CDCA7: variants seen among roughly 807,000 people sequenced by gnomAD.
CDCA7 encodes the protein cell division cycle-associated protein 7.
A neutral mutation model predicts 54.0 loss-of-function variants in CDCA7; 28 were observed. The observed-to-expected ratio is 0.52, with a 90% CI of 0.38 to 0.71. The LOEUF is 0.71. Among genes scored for constraint, CDCA7 ranks in the 30% least tolerant of loss-of-function variants. The pLI is 0.00. For missense variants in CDCA7, 484 were observed against 586.0 expected, an observed-to-expected ratio of 0.83 and a Z score of 1.80; for synonymous variants, 180 against 208.2, an observed-to-expected ratio of 0.86 and a Z score of 1.16.
At chr2:173,356,792 AC>A (rs745356990) in intron 1 of CDCA7, among the ~76,000 whole-genome samples, 40 of 152,136 alleles carry the variant, frequency 2.6e-4, no homozygotes, top group Non-Finnish European at 5.1e-4. Context: ...GGTGTGAGCC[AC>A]CCCCCTACAC....
rs777581752 is a variant in CDCA7 at position 173,358,841 on chromosome 2, A to G, written c.147+4A>G. On this transcript the variant is annotated splice_donor_region_variant and intron_variant, in intron 2 of 9. Transcript: ENST00000306721. ...TTCTGATAATTTTGCAAACACGGTAAGTGCTGCCTGAGAATAAACAGAATT... is the reference window on the plus strand; with the variant it reads ...TTCTGATAATTTTGCAAACACGGTAGGTGCTGCCTGAGAATAAACAGAATT... The G allele has an allele frequency of 6.2e-7, 1 of 1,611,576 alleles. No homozygotes were observed. Among genetic ancestry groups the G allele is most frequent in the South Asian group, 1.1e-5 (1 of 90,624 alleles).
intron 5 of CDCA7, 180 bp from the exon 6 acceptor site, chr2:173,364,615 A>T (rs1686684447): frequency 2.5e-6 from 2 of 784,824 alleles, no homozygotes; most frequent in Non-Finnish European, 3.6e-6. Flanking sequence ...CAAAAGCAAA[A>T]TTAAGATGGC....
At chr2:173,355,880 T>C (rs1686493615) in intron 1 of CDCA7, among the ~76,000 whole-genome samples, 1 of 151,938 alleles carries the variant, frequency 6.6e-6, no homozygotes, top group Non-Finnish European at 1.5e-5. Flanking sequence ...CGATGGGGCG[T>C]GGTTTCAGAG....
chr2:173,362,749 A>ATT (rs11437573), intron 3 of CDCA7, among the ~76,000 whole-genome samples: 3,371 of 149,684 alleles, frequency 0.023, 84 homozygotes, highest in African/African-American at 0.06. Context: ...TAATTTTTGT[A>ATT]TTTTTTTTTG....
intron 7 of CDCA7, 100 bp downstream of exon 7, chr2:173,365,692 G>T: frequency 7.5e-7 from 1 of 1,325,408 alleles, no homozygotes. Context: ...CCTAGCATGT[G>T]AAATCTGTAC....
rs1686575660 is a variant in CDCA7, at chr2:173,359,308, G to A, written c.201G>A (p.Glu67=). 6.2e-7 allele frequency: 1 copy of A among 1,614,126 alleles called. No homozygotes were observed. Reference sequence around the variant, plus strand: ...AAGAACTGGCAAATGTTTTTTATGAGGACTCTGATAATGAATCTTTCTGCG... The same window carrying A: ...AAGAACTGGCAAATGTTTTTTATGAAGACTCTGATAATGAATCTTTCTGCG... The part of the protein sequence containing the change: ...ISEELANVFY[E]DSDNESFCGF... Residue 67 remains glutamate (E), a synonymous_variant, in exon 3 of 10, where the codon GAG becomes GAA. Coordinates refer to ENST00000306721, the MANE Select transcript of CDCA7 (RefSeq NM_031942.5).
Position 173,368,106 on chromosome 2 carries a change from A to C in CDCA7, c.*442A>C, listed in dbSNP as rs1686756810. ...CTAACTTGTTTACACAAAAACGAGT[A>C]TGATTTAGCATTCATACTAGTTGAA... On this transcript the variant is annotated 3_prime_UTR_variant, in exon 10 of 10. Coordinates refer to ENST00000306721, the MANE Select transcript of CDCA7 (RefSeq NM_031942.5). 2.4e-5 allele frequency: 4 copies of C among 166,740 alleles called. No homozygotes were observed. Among genetic ancestry groups the C allele is most frequent in the African/African-American group, 9.6e-5 (4 of 41,766 alleles). 10.3% of individuals were successfully genotyped at this position (166,740 alleles called of 1,614,324 possible).
chr2:173,355,708 A>C (rs931842533), intron 1 of CDCA7, among the ~76,000 whole-genome samples: 4 of 124,620 alleles, frequency 3.2e-5, no homozygotes, highest in African/African-American at 1.2e-4. Flanking sequence ...TCTTAGCTGC[A>C]GGACGTTGCT....
chr2:173,368,799 A>G lies in CDCA7; in HGVS notation c.*1135A>G, dbSNP rs1285573676. 6.6e-6 allele frequency: 1 copy of G among 152,184 alleles called. No homozygotes were observed. Among genetic ancestry groups the G allele is most frequent in the Non-Finnish European group, 1.5e-5 (1 of 68,024 alleles). The allele number at this position is 152,184 out of a possible 1,614,324, so 9.4% of individuals were successfully genotyped here. The stretch of plus-strand genomic sequence containing the variant: ...ATGTAAACCATTGCTGTGCCATTCA[A>G]TGTTTGATGCATAATTGGACCTTGA... On this transcript the variant is annotated 3_prime_UTR_variant, in exon 10 of 10. Transcript: ENST00000306721.
At position 173,367,307 on chromosome 2, in the gene CDCA7, C is replaced by T. The variant is rs1483733288; in HGVS notation, c.1322+21C>T. 3 of 1,612,696 alleles carry T rather than the reference C, an allele frequency of 1.9e-6. No individual in the cohort carries two copies. The East Asian group carries it at 6.7e-5, about 36-fold the overall frequency. On this transcript the variant is annotated intron_variant, in intron 9 of 9. Coordinates refer to ENST00000306721, the MANE Select transcript of CDCA7 (RefSeq NM_031942.5). ...AAAAGGTAGTGGGTGTTTTTTTTTC[C>T]CTTCCACATCTGAATTTTATATTCA...
At chr2:173,355,123 G>A in intron 1 of CDCA7, 139 bp downstream of exon 1, 1 of 1,036,604 alleles carries the variant, frequency 9.6e-7, no homozygotes, top group African/African-American at 1.7e-5. Flanking sequence ...GCTTGGGCAA[G>A]CCCCTGATTT....
intron 3 of CDCA7, among the ~76,000 whole-genome samples, chr2:173,361,016 C>T (rs1029115357): frequency 2.2e-4 from 34 of 152,180 alleles, no homozygotes; most frequent in African/African-American, 7.2e-4. Context: ...TAGATTAGCC[C>T]GTTGTGGATA....
intron 1 of CDCA7, among the ~76,000 whole-genome samples, chr2:173,356,969 C>T (rs1686519091): frequency 6.6e-6 from 1 of 152,202 alleles, no homozygotes; most frequent in African/African-American, 2.4e-5. Flanking sequence ...CTGCAAGAGA[C>T]TGAAATGCGT....
intron 1 of CDCA7, chr2:173,356,146 A>G (rs1285409188): frequency 2.6e-5 from 4 of 152,322 alleles, no homozygotes; most frequent in African/African-American, 9.6e-5. Context: ...CCTACTATAA[A>G]TGGTATTAGT....
At chr2:173,365,709 G>T in intron 7 of CDCA7, 117 bp downstream of exon 7, 1 of 1,170,600 alleles carries the variant, frequency 8.5e-7, no homozygotes, top group Non-Finnish European at 1.2e-6. Flanking sequence ...GTACCTATAT[G>T]TTTTTTTCAC....
intron 7 of CDCA7, 89 bp downstream of exon 7, chr2:173,365,681 G>A: frequency 7.0e-7 from 1 of 1,422,916 alleles, no homozygotes; most frequent in Non-Finnish European, 9.5e-7. Context: ...GTTCTAAAGG[G>A]CCTAGCATGT....
At chr2:173,356,097 G>C (rs1686499318) in intron 1 of CDCA7, 1 of 152,192 alleles carries the variant, frequency 6.6e-6, no homozygotes, top group East Asian at 1.9e-4. Flanking sequence ...TAAACCTGAC[G>C]TGAAAGTGTA....
chr2:173,364,971 C>T lies in CDCA7; in HGVS notation c.876C>T (p.Thr292=), dbSNP rs148421045. 2.7e-5 allele frequency: 42 copies of T among 1,578,232 alleles called. No individual in the cohort carries two copies. The highest frequency in any genetic ancestry group is 2.0e-4 in the Admixed American group (10 of 50,154). ...DKYMLVRKRK[T]VDGYMNEDDL... is the part of the protein sequence containing the mutation. ...ACATGTTGGTGAGAAAGAGGAAGAC[C>T]GTGGATGGCTACATGAATGTGAGTT... is the stretch of plus-strand genomic sequence containing the variant. Residue 292 remains threonine (T), a synonymous_variant, in exon 6 of 10, where the codon ACC becomes ACT. Coordinates refer to ENST00000306721, the MANE Select transcript of CDCA7 (RefSeq NM_031942.5).
rs1193942159 is a variant in CDCA7 at position 173,368,743 on chromosome 2, C to A, written c.*1079C>A. 1 of 152,174 alleles carries A rather than the reference C, an allele frequency of 6.6e-6. No individual in the cohort carries two copies. The highest frequency in any genetic ancestry group is 2.4e-5 in the African/African-American group (1 of 41,436). 9.4% of individuals were successfully genotyped at this position (152,174 alleles called of 1,614,324 possible). A position where few individuals can be genotyped will look rare whatever the true frequency, so the allele number is the denominator to read the frequency against. ...TCAAGGTATTTGGTAGAGGTGGAAT[C>A]TAAGTGTTTGTATGTCCAATTTACT... is the stretch of plus-strand genomic sequence containing the variant. On this transcript the variant is annotated 3_prime_UTR_variant, in exon 10 of 10. Coordinates refer to ENST00000306721, the MANE Select transcript of CDCA7 (RefSeq NM_031942.5).
Sources: allele counts gnomAD v4.1 joint callset (sites outside exome capture counted in the v4.1 genomes callset), GRCh38; gene constraint gnomAD v4.1.1; transcripts MANE v1.5; gene names NCBI Gene and HGNC (gene_info 2026-07-23, HGNC 2026-07-21).